The following GALK2 variants were observed in gnomAD, a reference collection of about 807,000 sequenced individuals.
GALK2 encodes galactokinase 2, also known as N-acetylgalactosamine kinase.
In GALK2, 36 loss-of-function variants were observed where a neutral mutation model predicts 52.4. The observed-to-expected ratio is 0.69, with a 90% CI of 0.53 to 0.91. The LOEUF (loss-of-function observed/expected upper bound fraction) is 0.91, where lower values mean the gene tolerates loss of function less well. Ranked by LOEUF, GALK2 falls within the 40% of genes least tolerant of loss-of-function variation. The pLI, the probability that GALK2 is intolerant of heterozygous loss-of-function variation, is 0.00. For missense variants in GALK2, 579 were observed against 559.1 expected (o/e 1.04, Z -0.36); for synonymous variants, 176 against 199.1 (o/e 0.88, Z 0.98).
At chr15:49,202,656 A>G (rs1003309685) in intron 2 of GALK2, among the ~76,000 whole-genome samples, 2 of 152,210 alleles carry the variant, frequency 1.3e-5, no homozygotes, top group Admixed American at 6.5e-5. Context: ...TAGTTTTGCA[A>G]TAAACAAGAG....
chr15:49,320,431 T>C (rs895806565), intron 9 of GALK2, among the ~76,000 whole-genome samples: 1 of 152,216 alleles, frequency 6.6e-6, no homozygotes, highest in African/African-American at 2.4e-5. Flanking sequence ...AAATCAGCTT[T>C]CCTAAAATTG....
chr15:49,330,395 A>T lies in GALK2; in HGVS notation c.*2236A>T, dbSNP rs1175866085. 1 of 152,174 alleles carries T rather than the reference A, an allele frequency of 6.6e-6. No individual in the cohort carries two copies. Among genetic ancestry groups the T allele is most frequent in the Non-Finnish European group, 1.5e-5 (1 of 68,034 alleles). 9.4% of individuals were successfully genotyped at this position (152,174 alleles called of 1,614,324 possible). Reference sequence around the variant, plus strand: ...AGTTTGGCCCACAGAATGACTAAAAACTTGGGCTCCAAATCAGGAGATTGT... The same window carrying T: ...AGTTTGGCCCACAGAATGACTAAAATCTTGGGCTCCAAATCAGGAGATTGT... On this transcript the variant is annotated 3_prime_UTR_variant, in exon 10 of 10. Coordinates refer to ENST00000560031, the MANE Select transcript of GALK2 (RefSeq NM_002044.4).
intron 5 of GALK2, among the ~76,000 whole-genome samples, chr15:49,260,012 G>A (rs970382581): frequency 2.0e-5 from 3 of 150,936 alleles, no homozygotes; most frequent in Admixed American, 6.6e-5. Flanking sequence ...CCAAGTCTTT[G>A]CTATTGTGAA....
At chr15:49,276,863 C>T (rs1030428750) in intron 5 of GALK2, among the ~76,000 whole-genome samples, 3 of 142,548 alleles carry the variant, frequency 2.1e-5, no homozygotes, top group African/African-American at 7.7e-5. Flanking sequence ...TTTTTGTTTA[C>T]CATCAGAAGA....
At chr15:49,323,805 A>G (rs2037103943) in intron 9 of GALK2, among the ~76,000 whole-genome samples, 1 of 152,210 alleles carries the variant, frequency 6.6e-6, no homozygotes, top group South Asian at 2.1e-4. Context: ...ATCAGTTTAG[A>G]ATCTAAAGAA....
Position 49,263,691 on chromosome 15 carries a change from T to A in GALK2, c.505-18296T>A, listed in dbSNP as rs1402544451. The stretch of plus-strand genomic sequence containing the variant: ...GATGGTCTTTACATTTTGGCATGAT[T>A]TTGCAGCGGCTGGTACTGGTTGTTC... On this transcript the variant is annotated intron_variant, in intron 5 of 9. Coordinates refer to ENST00000560031, the MANE Select transcript of GALK2 (RefSeq NM_002044.4). Among the ~76,000 whole-genome samples the A allele has an allele frequency of 1.5e-4, 20 of 130,522 alleles. No homozygotes were observed. The East Asian group carries it at 3.4e-3, about 22-fold the overall frequency. The allele number at this position is 130,522 out of a possible 152,430, so 85.6% of individuals were successfully genotyped here.
chr15:49,214,187 G>A (rs2089180055), intron 2 of GALK2, among the ~76,000 whole-genome samples: 1 of 151,986 alleles, frequency 6.6e-6, no homozygotes, highest in Non-Finnish European at 1.5e-5. Flanking sequence ...TGTGGTTACT[G>A]TGAGGCTTGC....
chr15:49,262,851 T>C (rs2092187755), intron 5 of GALK2, among the ~76,000 whole-genome samples: 1 of 145,026 alleles, frequency 6.9e-6, no homozygotes, highest in Non-Finnish European at 1.5e-5. Flanking sequence ...AGGAGCAGGT[T>C]GTTCAGTTTC....
intron 1 of GALK2, among the ~76,000 whole-genome samples, chr15:49,176,343 T>C (rs1277517683): frequency 1.3e-5 from 2 of 152,216 alleles, no homozygotes; most frequent in African/African-American, 2.4e-5. Flanking sequence ...CCCATTTTTT[T>C]CCTTTAAAAA....
chr15:49,246,908 G>A (rs545172249), intron 5 of GALK2, among the ~76,000 whole-genome samples: 12 of 152,312 alleles, frequency 7.9e-5, no homozygotes, highest in African/African-American at 2.2e-4. Flanking sequence ...AAATACAACT[G>A]TGAATAAAAC....
At position 49,170,268 on chromosome 15, in the gene GALK2, T is replaced by C. The variant is rs1426840408; in HGVS notation, c.-55T>C. 4 of 1,554,766 alleles carry C rather than the reference T, an allele frequency of 2.6e-6. No homozygotes were observed. The highest frequency in any genetic ancestry group is 3.5e-6 in the Non-Finnish European group (4 of 1,148,750). On this transcript the variant is annotated 5_prime_UTR_variant, in exon 1 of 10. Transcript: ENST00000560031. ...TGTCACAGAAGTCTCGTGATTGCTC[T>C]GGGAGCTTTGCTTAGACACTTGAAA... is the stretch of plus-strand genomic sequence containing the variant.
chr15:49,170,377 T>A lies in GALK2; in HGVS notation c.53+2T>A. On this transcript the variant is annotated splice_donor_variant, in intron 1 of 9. Coordinates refer to ENST00000560031, the MANE Select transcript of GALK2 (RefSeq NM_002044.4). LOFTEE classifies it high-confidence loss of function. ...GGTCCAGGTGGCAGAACATCCTAGG[T>A]GGGGGAGAGGAGACGCCGGGCTTTG... The A allele has an allele frequency of 6.3e-7, 1 of 1,588,038 alleles. No homozygotes were observed. The highest frequency in any genetic ancestry group is 8.6e-7 in the Non-Finnish European group (1 of 1,167,582).
intron 3 of GALK2, among the ~76,000 whole-genome samples, chr15:49,226,901 T>C (rs1006037488): frequency 6.6e-6 from 1 of 152,238 alleles, no homozygotes; most frequent in Admixed American, 6.5e-5. Context: ...CAAGTTCCTC[T>C]TTTTATTACT....
chr15:49,216,234 A>G (rs2089362870), intron 2 of GALK2, among the ~76,000 whole-genome samples: 1 of 152,098 alleles, frequency 6.6e-6, no homozygotes, highest in African/African-American at 2.4e-5. Context: ...TCAAGGCCCA[A>G]GGGATCTTTA....
intron 1 of GALK2, among the ~76,000 whole-genome samples, chr15:49,160,161 A>G (rs1285023371): frequency 2.6e-5 from 4 of 151,900 alleles, no homozygotes. Context: ...GTAATCTCAG[A>G]TACTCAGGAA....
chr15:49,180,662 A>C (rs2085887203), intron 1 of GALK2, among the ~76,000 whole-genome samples: 1 of 152,142 alleles, frequency 6.6e-6, no homozygotes, highest in South Asian at 2.1e-4. Context: ...CTGAGACTTG[A>C]TATCCTCCAA....
intron 8 of GALK2, among the ~76,000 whole-genome samples, chr15:49,318,778 G>A (rs1184935884): frequency 6.6e-6 from 1 of 152,118 alleles, no homozygotes; most frequent in East Asian, 1.9e-4. Flanking sequence ...GAAAGAACAT[G>A]GCTCTAGGGC....
chr15:49,161,234 A>T (rs1232958661), intron 1 of GALK2, among the ~76,000 whole-genome samples: 1 of 152,242 alleles, frequency 6.6e-6, no homozygotes, highest in Non-Finnish European at 1.5e-5. Context: ...CTAAATTTTG[A>T]GTATAATTTC....
intron 1 of GALK2, among the ~76,000 whole-genome samples, chr15:49,177,406 A>G (rs2085547173): frequency 6.6e-6 from 1 of 152,248 alleles, no homozygotes; most frequent in Non-Finnish European, 1.5e-5. Context: ...CAAAGACAAA[A>G]AAGTTTATCT....
Sources: allele counts gnomAD v4.1 joint callset (sites outside exome capture counted in the v4.1 genomes callset), GRCh38; gene constraint gnomAD v4.1.1; transcripts MANE v1.5; gene names NCBI Gene and HGNC (gene_info 2026-07-23, HGNC 2026-07-21).